KIRREL3: variants seen among roughly 807,000 people sequenced by gnomAD.
The protein encoded by KIRREL3 is kin of IRRE-like protein 3.
Under a neutral mutation model 89.7 loss-of-function variants are expected in KIRREL3, and 36 were observed. The observed-to-expected ratio is 0.40, with a 90% CI of 0.31 to 0.53. The LOEUF (loss-of-function observed/expected upper bound fraction) is 0.53. Among genes scored for constraint, KIRREL3 ranks in the 20% least tolerant of loss-of-function variants. KIRREL3 has a pLI of 0.49. For synonymous variants in KIRREL3, 445 were observed against 441.4 expected, an observed-to-expected ratio of 1.01 and a Z score of -0.10; for missense variants, 864 against 1,056.6, an observed-to-expected ratio of 0.82 and a Z score of 2.53.
In KIRREL3 at chr11:126,471,820, T is replaced by G. The variant is rs1956901261; in HGVS notation, c.591+1489A>C. Among the ~76,000 whole-genome samples, 1 of 152,226 alleles carries G rather than the reference T, an allele frequency of 6.6e-6. No individual in the cohort carries two copies. Among genetic ancestry groups the G allele is most frequent in the Non-Finnish European group, 1.5e-5 (1 of 68,036 alleles). On this transcript the variant is annotated intron_variant, in intron 5 of 16. Coordinates refer to ENST00000525144, the MANE Select transcript of KIRREL3 (RefSeq NM_032531.4). The surrounding 1 kb of genome is among the most constrained non-coding windows in gnomAD (Gnocchi z 5.4). ...TTCCCTGGGTCTGCAAGGCCCCAGA[T>G]GTCAAAGCATCATAAAATACACAAC...
intron 1 of KIRREL3, among the ~76,000 whole-genome samples, chr11:126,824,568 A>G (rs1943340115): frequency 6.6e-6 from 1 of 152,248 alleles, no homozygotes. Context: ...GAGGGCTTCA[A>G]TATTTAATGG....
At position 126,537,917 on chromosome 11, in the gene KIRREL3, G is replaced by T. The variant is rs1180120931; in HGVS notation, c.134-11230C>A. ...CGGAGTCCCAGAGCTGAGAACGGAG[G>T]CTTTGCAAATCTGAAGTTGCACCCA... On this transcript the variant is annotated intron_variant, in intron 2 of 16. Transcript: ENST00000525144. The surrounding 1 kb of genome is among the most constrained non-coding windows in gnomAD (Gnocchi z 4.3). Among the ~76,000 whole-genome samples, 1 of 152,226 alleles carries T rather than the reference G, an allele frequency of 6.6e-6. No homozygotes were observed. Among genetic ancestry groups the T allele is most frequent in the African/African-American group, 2.4e-5 (1 of 41,456 alleles).
chr11:126,848,599 T>A (rs1944231277), intron 1 of KIRREL3, among the ~76,000 whole-genome samples: 1 of 152,220 alleles, frequency 6.6e-6, no homozygotes, highest in Non-Finnish European at 1.5e-5. Flanking sequence ...TATATCAGCT[T>A]GGTTCCCAAC....
chr11:126,498,228 G>T lies in KIRREL3; in HGVS notation c.433+23087C>A, dbSNP rs1957737601. Among the ~76,000 whole-genome samples, 1 of 152,134 alleles carries T rather than the reference G, an allele frequency of 6.6e-6. No individual in the cohort carries two copies. The highest frequency in any genetic ancestry group is 1.5e-5 in the Non-Finnish European group (1 of 68,022). ...GGGAAGAGAGGGGTAGCACAAAAGAGGATTTACTTTCTTCCCCCAAAATGA... is the reference window on the plus strand; with the variant it reads ...GGGAAGAGAGGGGTAGCACAAAAGATGATTTACTTTCTTCCCCCAAAATGA... On this transcript the variant is annotated intron_variant, in intron 4 of 16. Transcript: ENST00000525144. This position sits in a 1 kb window ranked among gnomAD's most constrained non-coding sequence, Gnocchi z 4.3.
intron 1 of KIRREL3, among the ~76,000 whole-genome samples, chr11:126,960,678 G>A (rs552671645): frequency 2.0e-5 from 3 of 152,136 alleles, no homozygotes; most frequent in African/African-American, 7.2e-5. Context: ...AGATTTTGTA[G>A]ATCTTACTTT....
chr11:126,458,604 AG>A (rs1956449127), intron 6 of KIRREL3, among the ~76,000 whole-genome samples: 3 of 152,088 alleles, frequency 2.0e-5, no homozygotes, highest in African/African-American at 7.2e-5. Flanking sequence ...GGCACTGGGG[AG>A]AGAACTCTGT....
At chr11:126,842,979 C>T (rs1049914218) in intron 1 of KIRREL3, among the ~76,000 whole-genome samples, 1 of 151,828 alleles carries the variant, frequency 6.6e-6, no homozygotes, top group East Asian at 1.9e-4. Context: ...AAATGCAGGG[C>T]CTTTACTTGG....
At chr11:126,828,745 A>T (rs1048894496) in intron 1 of KIRREL3, among the ~76,000 whole-genome samples, 7 of 152,246 alleles carry the variant, frequency 4.6e-5, no homozygotes, top group African/African-American at 1.7e-4. Flanking sequence ...TAAAAGTGCC[A>T]GCTTTGAAAT....
intron 1 of KIRREL3, among the ~76,000 whole-genome samples, chr11:126,790,734 T>C (rs1022127098): frequency 1.3e-5 from 2 of 151,800 alleles, no homozygotes; most frequent in African/African-American, 2.4e-5. Context: ...ATCGCAGACG[T>C]GGGAAGAGCC....
chr11:126,451,366 C>G (rs969407877), intron 7 of KIRREL3, among the ~76,000 whole-genome samples: 50 of 107,698 alleles, frequency 4.6e-4, no homozygotes, highest in African/African-American at 1.2e-3. Flanking sequence ...GTGAGTGTGA[C>G]TATGTGTGAG....
chr11:126,791,619 C>T lies in KIRREL3; in HGVS notation c.55+208836G>A, dbSNP rs529920476. On this transcript the variant is annotated intron_variant, in intron 1 of 16. Coordinates refer to ENST00000525144, the MANE Select transcript of KIRREL3 (RefSeq NM_032531.4). This position sits in a 1 kb window ranked among gnomAD's most constrained non-coding sequence, Gnocchi z 4.8. Reference sequence around the variant, plus strand: ...AGGCAAAGGGATCTGAGTGCAGTTTCGAAGCCCATAGCCAGGGGTCAGCCA... The same window carrying T: ...AGGCAAAGGGATCTGAGTGCAGTTTTGAAGCCCATAGCCAGGGGTCAGCCA... 3.9e-5 allele frequency among the ~76,000 whole-genome samples: 6 copies of T among 152,270 alleles called. No individual in the cohort carries two copies. The highest frequency in any genetic ancestry group is 3.9e-4 in the East Asian group (2 of 5,182).
intron 1 of KIRREL3, among the ~76,000 whole-genome samples, chr11:126,789,865 G>T (rs540882627): frequency 2.0e-5 from 3 of 152,198 alleles, no homozygotes; most frequent in South Asian, 2.1e-4. Context: ...TTTCTGGGCT[G>T]TACTCTCTTT....
chr11:127,000,671 C>T lies in KIRREL3; in HGVS notation c.-162G>A. The T allele has an allele frequency of 1.7e-6, 1 of 596,168 alleles. No homozygotes were observed. The highest frequency in any genetic ancestry group is 2.4e-5 in the South Asian group (1 of 42,104). 36.9% of individuals were successfully genotyped at this position (596,168 alleles called of 1,614,324 possible). A position where few individuals can be genotyped will look rare whatever the true frequency, so the allele number is the denominator to read the frequency against. ...GGGTGGCTTCGGTCTCTTTGTGCCTCTGGGTATCTGCAGCCAGCCGACACA... is the reference window on the plus strand; with the variant it reads ...GGGTGGCTTCGGTCTCTTTGTGCCTTTGGGTATCTGCAGCCAGCCGACACA... On this transcript the variant is annotated 5_prime_UTR_variant, in exon 1 of 17. Transcript: ENST00000525144. The surrounding 1 kb of genome is among the most constrained non-coding windows in gnomAD (Gnocchi z 7.1).
intron 1 of KIRREL3, chr11:126,992,535 G>A (rs910668510): frequency 4.6e-5 from 7 of 152,218 alleles, no homozygotes; most frequent in African/African-American, 1.7e-4. Flanking sequence ...GAACATACAG[G>A]TAGATCTGAT....
intron 2 of KIRREL3, among the ~76,000 whole-genome samples, chr11:126,554,504 A>G (rs188927428): frequency 6.6e-5 from 10 of 152,314 alleles, no homozygotes; most frequent in Non-Finnish European, 1.5e-5. Flanking sequence ...CCTCCTCTCC[A>G]GGTGACTGCC....
rs138112843 is a variant in KIRREL3 at position 126,430,137 on chromosome 11, C to CAA, written c.1697-851_1697-850dup. 7.8e-6 allele frequency among the ~76,000 whole-genome samples: 1 copy of CAA among 127,668 alleles called. No individual in the cohort carries two copies. Among genetic ancestry groups the CAA allele is most frequent in the Non-Finnish European group, 1.6e-5 (1 of 60,662 alleles). 83.8% of individuals were successfully genotyped at this position (127,668 alleles called of 152,430 possible). A position where few individuals can be genotyped will look rare whatever the true frequency, so the allele number is the denominator to read the frequency against. On this transcript the variant is annotated intron_variant, in intron 14 of 16. Transcript: ENST00000525144. This position sits in a 1 kb window ranked among gnomAD's most constrained non-coding sequence, Gnocchi z 6.6. ...TGGGCAACAGGATGAGACTCTGTCT[C>CAA]AAAAAAAAAAAAGGAAATTCTTGAG...
At chr11:126,512,033 G>A (rs890462779) in intron 4 of KIRREL3, among the ~76,000 whole-genome samples, 5 of 152,178 alleles carry the variant, frequency 3.3e-5, no homozygotes, top group African/African-American at 1.2e-4. Flanking sequence ...ACGTGGGACT[G>A]GCTGGCCTGC....
At position 126,943,699 on chromosome 11, in the gene KIRREL3, A is replaced by C. The variant is rs371938612; in HGVS notation, c.55+56756T>G. 3.0e-4 allele frequency among the ~76,000 whole-genome samples: 46 copies of C among 152,334 alleles called. No homozygotes were observed. Among genetic ancestry groups the C allele is most frequent in the Admixed American group, 2.4e-3 (37 of 15,306 alleles). On this transcript the variant is annotated intron_variant, in intron 1 of 16. Coordinates refer to ENST00000525144, the MANE Select transcript of KIRREL3 (RefSeq NM_032531.4). This position sits in a 1 kb window ranked among gnomAD's most constrained non-coding sequence, Gnocchi z 4.2. The stretch of plus-strand genomic sequence containing the variant: ...ATGACTGATGTGAGGGGTCAAGGGC[A>C]GGCTTTGCCTCCAGGGAGGCATTAA...
At chr11:126,901,447 G>C (rs772508846) in intron 1 of KIRREL3, among the ~76,000 whole-genome samples, 1 of 152,168 alleles carries the variant, frequency 6.6e-6, no homozygotes, top group Non-Finnish European at 1.5e-5. Context: ...AAAATCTGCA[G>C]AGTCTCAGCA....
Sources: gnomAD v4.1 joint callset for allele counts (sites outside exome capture counted in the v4.1 genomes callset) on GRCh38, gnomAD v4.1.1 for gene constraint, Gnocchi (gnomAD v3.1) non-coding constraint, MANE v1.5 for transcripts, NCBI Gene and HGNC (gene_info 2026-07-23, HGNC 2026-07-21) for gene names.